The following TSHZ2 variants were observed in gnomAD, a reference collection of about 807,000 sequenced individuals.
The protein encoded by TSHZ2 is teashirt zinc finger homeobox 2.
TSHZ2 carries 21 observed loss-of-function variants against 74.4 expected under a neutral mutation model. The ratio of observed to expected loss-of-function variants is 0.28; its 90% CI spans 0.20 to 0.41. The LOEUF (loss-of-function observed/expected upper bound fraction) is 0.41, where lower values mean the gene tolerates loss of function less well. Among genes scored for constraint, TSHZ2 ranks in the 10% least tolerant of loss-of-function variants. The pLI, the probability that TSHZ2 is intolerant of heterozygous loss-of-function variation, is 1.00. For synonymous variants in TSHZ2, 540 were observed against 515.3 expected, an observed-to-expected ratio of 1.05 and a Z score of -0.65; for missense variants, 1,244 against 1,293.5, an observed-to-expected ratio of 0.96 and a Z score of 0.59.
In TSHZ2 at chr20:53,004,509, T is replaced by G. The variant is rs536884531; in HGVS notation, c.40+31176T>G. Among the ~76,000 whole-genome samples the G allele has an allele frequency of 2.0e-5, 3 of 152,248 alleles. No individual in the cohort carries two copies. In the East Asian group the frequency reaches 5.8e-4, roughly 29 times the overall value. On this transcript the variant is annotated intron_variant, in intron 1 of 2. Coordinates refer to ENST00000371497, the MANE Select transcript of TSHZ2 (RefSeq NM_173485.6). ...CGCCACCTCTTCCTGTCTTTTTAAT[T>G]TTATACCCAGAAGAACAAAAACAGA...
intron 1 of TSHZ2, among the ~76,000 whole-genome samples, chr20:53,201,643 T>G (rs1428037024): frequency 1.3e-5 from 2 of 152,174 alleles, no homozygotes; most frequent in Non-Finnish European, 2.9e-5. Flanking sequence ...TAGACATCTT[T>G]GGATGCCATG....
chr20:53,094,480 C>T (rs542501440), intron 1 of TSHZ2, among the ~76,000 whole-genome samples: 1 of 152,242 alleles, frequency 6.6e-6, no homozygotes, highest in East Asian at 1.9e-4. Flanking sequence ...ATATGTGGGT[C>T]CCTGACTCGG....
chr20:53,083,442 T>C (rs906798825), intron 1 of TSHZ2, among the ~76,000 whole-genome samples: 2 of 152,232 alleles, frequency 1.3e-5, no homozygotes, highest in Non-Finnish European at 2.9e-5. Flanking sequence ...TTTAACCGTA[T>C]AGCCAGGGTC....
Position 53,422,876 on chromosome 20 carries a change from T to G in TSHZ2, c.*9-64268T>G, listed in dbSNP as rs35330946. ...ATGATGCAGTGTTAAGAACATAGAA[T>G]GCAAATAATAATAATATCTATACTT... On this transcript the variant is annotated intron_variant, in intron 2 of 2. Coordinates refer to ENST00000371497, the MANE Select transcript of TSHZ2 (RefSeq NM_173485.6). 2.1e-3 allele frequency among the ~76,000 whole-genome samples: 322 copies of G among 152,336 alleles called. 1 individual carries two copies. The highest frequency in any genetic ancestry group is 7.2e-3 in the African/African-American group (298 of 41,574).
chr20:53,123,891 T>G (rs1243117451), intron 1 of TSHZ2, among the ~76,000 whole-genome samples: 1 of 152,236 alleles, frequency 6.6e-6, no homozygotes, highest in African/African-American at 2.4e-5. Flanking sequence ...ACTGCCTTAA[T>G]TTTTAAAAGG....
At position 53,118,512 on chromosome 20, in the gene TSHZ2, G is replaced by C. The variant is rs76807989; in HGVS notation, c.41-134987G>C. ...GAGGGTGTGATCTCAGGGAAAATCT[G>C]ATCTTGGTCTGAAGCACAGGCAGAG... is the stretch of plus-strand genomic sequence containing the variant. On this transcript the variant is annotated intron_variant, in intron 1 of 2. Coordinates refer to ENST00000371497, the MANE Select transcript of TSHZ2 (RefSeq NM_173485.6). Among the ~76,000 whole-genome samples, 1,364 of 152,280 alleles carry C rather than the reference G, an allele frequency of 9.0e-3. 34 individuals are homozygous for C. Among genetic ancestry groups the C allele is most frequent in the East Asian group, 0.081 (420 of 5,168 alleles).
intron 1 of TSHZ2, among the ~76,000 whole-genome samples, chr20:53,202,185 C>T (rs1025820641): frequency 1.3e-5 from 2 of 152,176 alleles, no homozygotes; most frequent in Non-Finnish European, 2.9e-5. Context: ...TACCCATGAC[C>T]TTCCTCGGTG....
chr20:53,457,271 C>A (rs1985134297), intron 2 of TSHZ2, among the ~76,000 whole-genome samples: 1 of 143,878 alleles, frequency 7.0e-6, no homozygotes, highest in Non-Finnish European at 1.5e-5. Flanking sequence ...AGAGGTCCTT[C>A]ACATCCCTTG....
At chr20:53,460,220 G>A (rs4337533) in intron 2 of TSHZ2, among the ~76,000 whole-genome samples, 84,991 of 150,530 alleles carry the variant, frequency 0.56, 24,597 homozygotes, top group African/African-American at 0.69. Context: ...TGGTCTTTTC[G>A]CATAGTCCCA....
chr20:53,246,756 C>T (rs956802551), intron 1 of TSHZ2, among the ~76,000 whole-genome samples: 1 of 152,184 alleles, frequency 6.6e-6, no homozygotes, highest in African/African-American at 2.4e-5. Context: ...CTAGCTTAGC[C>T]GTTTTTTTGC....
At chr20:53,058,616 A>G (rs1010054554) in intron 1 of TSHZ2, among the ~76,000 whole-genome samples, 3 of 152,346 alleles carry the variant, frequency 2.0e-5, no homozygotes, top group African/African-American at 2.4e-5. Context: ...TTCAAAAGAC[A>G]GTAGGAGAAA....
chr20:53,174,784 A>C (rs1002891517), intron 1 of TSHZ2, among the ~76,000 whole-genome samples: 5 of 152,180 alleles, frequency 3.3e-5, no homozygotes, highest in African/African-American at 1.2e-4. Flanking sequence ...GTCCCAGTGT[A>C]ATATTTAGAC....
intron 2 of TSHZ2, among the ~76,000 whole-genome samples, chr20:53,314,906 G>A (rs979741091): frequency 1.1e-4 from 16 of 152,304 alleles, no homozygotes; most frequent in Non-Finnish European, 1.6e-4. Context: ...ACAGGCGTGA[G>A]CCACCACACC....
intron 2 of TSHZ2, among the ~76,000 whole-genome samples, chr20:53,367,453 T>C (rs184205240): frequency 4.6e-5 from 7 of 152,114 alleles, no homozygotes; most frequent in African/African-American, 1.7e-4. Flanking sequence ...AAAAACAACT[T>C]TACTCTCCTG....
rs556757041 is a variant in TSHZ2, at chr20:53,210,975, GAGAA to G, written c.41-42521_41-42518del. Among the ~76,000 whole-genome samples the G allele has an allele frequency of 2.3e-3, 344 of 152,180 alleles. 4 individuals carry two copies. Among genetic ancestry groups the G allele is most frequent in the African/African-American group, 8.0e-3 (332 of 41,520 alleles). On this transcript the variant is annotated intron_variant, in intron 1 of 2. Transcript: ENST00000371497. ...AATATTCCTTTAGTAATTAAAGAGAGAGAAAGGAAGAAAAAAAGAGAAAAAACAA... is the reference window on the plus strand; with the variant it reads ...AATATTCCTTTAGTAATTAAAGAGAGAGGAAGAAAAAAAGAGAAAAAACAA...
At chr20:53,234,359 C>T (rs1989891897) in intron 1 of TSHZ2, among the ~76,000 whole-genome samples, 1 of 152,132 alleles carries the variant, frequency 6.6e-6, no homozygotes, top group African/African-American at 2.4e-5. Flanking sequence ...TTTTTGAGAA[C>T]TTACCAAGCA....
At chr20:53,246,255 C>A (rs1488454384) in intron 1 of TSHZ2, among the ~76,000 whole-genome samples, 1 of 152,006 alleles carries the variant, frequency 6.6e-6, no homozygotes, top group Non-Finnish European at 1.5e-5. Context: ...GTTGGCCAGG[C>A]TGGTCTCAAA....
At chr20:52,989,554 A>G (rs1981897878) in intron 1 of TSHZ2, among the ~76,000 whole-genome samples, 1 of 152,210 alleles carries the variant, frequency 6.6e-6, no homozygotes, top group East Asian at 1.9e-4. Context: ...TCTGTGCCTC[A>G]CTCCTGTAAA....
chr20:53,253,709 T>G lies in TSHZ2; in HGVS notation c.251T>G (p.Leu84Arg), dbSNP rs760501467. Reference protein sequence around the residue: ...LSNQDAENESLLSDASDQVSD... With the variant: ...LSNQDAENESRLSDASDQVSD... ...AATCAGGATGCCGAGAACGAGTCTC[T>G]GCTGAGTGACGCCAGTGATCAGGTG... is the stretch of plus-strand genomic sequence containing the variant. The change falls in exon 2 of 3, where the codon CTG (leucine) becomes CGG (arginine). Residue 84 changes from leucine to arginine, a missense_variant. By Grantham distance (102) the Leu-to-Arg change is moderately radical (BLOSUM62 -2). Transcript: ENST00000371497. 3 of 1,614,200 alleles carry G rather than the reference T, an allele frequency of 1.9e-6. No homozygotes were observed. The highest frequency in any genetic ancestry group is 2.5e-6 in the Non-Finnish European group (3 of 1,180,042).
Sources: allele counts gnomAD v4.1 joint callset (sites outside exome capture counted in the v4.1 genomes callset), GRCh38; gene constraint gnomAD v4.1.1; transcripts MANE v1.5; gene names NCBI Gene and HGNC (gene_info 2026-07-23, HGNC 2026-07-21).